NAB1: variants seen among roughly 807,000 people sequenced by gnomAD.
NAB1 encodes the protein NGFI-A binding protein 1, also known as NGFI-A-binding protein 1.
In NAB1, 25 loss-of-function variants were observed where a neutral mutation model predicts 49.9. That is an observed-to-expected ratio of 0.50 (90% CI 0.37 to 0.70). The LOEUF (loss-of-function observed/expected upper bound fraction) is 0.70. Among genes scored for constraint, NAB1 ranks in the 30% least tolerant of loss-of-function variants. The pLI is 0.00. For missense variants in NAB1, 489 were observed against 575.9 expected (o/e 0.85, Z 1.54); for synonymous variants, 198 against 215.6 (o/e 0.92, Z 0.71).
intron 9 of NAB1, among the ~76,000 whole-genome samples, chr2:190,688,823 CTTTCT>C (rs1326925778): frequency 6.9e-6 from 1 of 145,804 alleles, no homozygotes; most frequent in African/African-American, 2.6e-5. Flanking sequence ...TCTTTCCTTT[CTTTCT>C]TTTCTTTTCT....
chr2:190,664,371 G>T (rs1694380269), intron 4 of NAB1, among the ~76,000 whole-genome samples: 1 of 150,268 alleles, frequency 6.7e-6, no homozygotes, highest in Admixed American at 6.6e-5. Context: ...TGGAGACAGG[G>T]TTCACTTTGT....
In NAB1 at chr2:190,663,835, A is replaced by G. The variant is rs1387757734; in HGVS notation, c.819+3840A>G. Among the ~76,000 whole-genome samples, 5 of 152,014 alleles carry G rather than the reference A, an allele frequency of 3.3e-5. No individual in the cohort carries two copies. The highest frequency in any genetic ancestry group is 1.2e-4 in the African/African-American group (5 of 41,394). The stretch of plus-strand genomic sequence containing the variant: ...TTATGAGGTTATTTTATTATTTTTC[A>G]ATTTTAATTATTTTTATGATTTCTG... On this transcript the variant is annotated intron_variant, in intron 4 of 9. Coordinates refer to ENST00000337386, the MANE Select transcript of NAB1 (RefSeq NM_005966.4). The surrounding 1 kb of genome is among the most constrained non-coding windows in gnomAD (Gnocchi z 4.2).
Position 190,657,400 on chromosome 2 carries a change from G to T in NAB1, c.-20+1247G>T, listed in dbSNP as rs948886176. 6.6e-6 allele frequency among the ~76,000 whole-genome samples: 1 copy of T among 152,130 alleles called. No homozygotes were observed. The highest frequency in any genetic ancestry group is 1.5e-5 in the Non-Finnish European group (1 of 68,018). On this transcript the variant is annotated intron_variant, in intron 3 of 9. Coordinates refer to ENST00000337386, the MANE Select transcript of NAB1 (RefSeq NM_005966.4). The surrounding 1 kb of genome is among the most constrained non-coding windows in gnomAD (Gnocchi z 4.4). ...GTACCTGTAGGAGTTTGTGGTGCCCGGAGGATTTATTAAGTAGGAATCTTG... is the reference window on the plus strand; with the variant it reads ...GTACCTGTAGGAGTTTGTGGTGCCCTGAGGATTTATTAAGTAGGAATCTTG...
Position 190,653,183 on chromosome 2 carries a change from T to G in NAB1, c.-196-2794T>G, listed in dbSNP as rs535783614. Among the ~76,000 whole-genome samples the G allele has an allele frequency of 6.4e-3, 972 of 152,348 alleles. 3 individuals carry two copies. Among genetic ancestry groups the G allele is most frequent in the South Asian group, 0.014 (66 of 4,826 alleles). On this transcript the variant is annotated intron_variant, in intron 2 of 9. Coordinates refer to ENST00000337386, the MANE Select transcript of NAB1 (RefSeq NM_005966.4). ...CACCCTTCTCTCAGGCCCCTGTACC[T>G]TCAAGCTATACTCTCCTGAACTTGG...
At chr2:190,681,330 A>T (rs1285632127) in intron 6 of NAB1, among the ~76,000 whole-genome samples, 1 of 152,180 alleles carries the variant, frequency 6.6e-6, no homozygotes, top group Non-Finnish European at 1.5e-5. Context: ...AGTTGTTCTA[A>T]CTCTTCTACT....
chr2:190,662,965 C>G (rs1694302325), intron 4 of NAB1, among the ~76,000 whole-genome samples: 1 of 152,136 alleles, frequency 6.6e-6, no homozygotes, highest in South Asian at 2.1e-4. Context: ...CATTATAGTG[C>G]TGAGAAGTCA....
intron 4 of NAB1, among the ~76,000 whole-genome samples, chr2:190,662,466 T>C (rs1397147852): frequency 6.6e-6 from 1 of 151,982 alleles, no homozygotes; most frequent in Admixed American, 6.6e-5. Flanking sequence ...AGGTGTCAGA[T>C]TGTGAAGAGA....
rs894928996 is a variant in NAB1, at chr2:190,669,627, A to G, written c.820-699A>G. On this transcript the variant is annotated intron_variant, in intron 4 of 9. Coordinates refer to ENST00000337386, the MANE Select transcript of NAB1 (RefSeq NM_005966.4). The surrounding 1 kb of genome is among the most constrained non-coding windows in gnomAD (Gnocchi z 4.3). Reference sequence around the variant, plus strand: ...TTGACAGTTTCCTATATCTATTGACAAAATTATGTGAAAAAATTTCTAGTT... The same window carrying G: ...TTGACAGTTTCCTATATCTATTGACGAAATTATGTGAAAAAATTTCTAGTT... Among the ~76,000 whole-genome samples, 2 of 152,232 alleles carry G rather than the reference A, an allele frequency of 1.3e-5. No homozygotes were observed. The highest frequency in any genetic ancestry group is 4.8e-5 in the African/African-American group (2 of 41,464).
chr2:190,659,616 T>C lies in NAB1; in HGVS notation c.440T>C (p.Val147Ala), dbSNP rs1694113274. The C allele has an allele frequency of 6.2e-7, 1 of 1,614,190 alleles. No homozygotes were observed. The highest frequency in any genetic ancestry group is 1.1e-5 in the South Asian group (1 of 91,078). The change falls in exon 4 of 10, where the codon GTT (valine) becomes GCT (alanine). Residue 147 changes from valine (V) to alanine (A), a missense_variant. This residue lies in a region of NAB1 where 204 missense variants were observed against 220.9 expected (regional missense o/e 0.92). Transcript: ENST00000337386. This position sits in a 1 kb window ranked among gnomAD's most constrained non-coding sequence, Gnocchi z 6.2. ...QSLGQGKSDV[V>A]GSLALQSVGE... Reference sequence around the variant, plus strand: ...TTGGGACAGGGGAAGTCAGATGTGGTTGGGAGCCTAGCACTGCAGAGTGTT... The same window carrying C: ...TTGGGACAGGGGAAGTCAGATGTGGCTGGGAGCCTAGCACTGCAGAGTGTT...
chr2:190,662,643 T>A (rs1212415737), intron 4 of NAB1, among the ~76,000 whole-genome samples: 1 of 152,174 alleles, frequency 6.6e-6, no homozygotes, highest in Non-Finnish European at 1.5e-5. Flanking sequence ...ACCCCTAATG[T>A]TAAATCAGTG....
rs183353099 is a variant in NAB1 at position 190,685,902 on chromosome 2, T to C, written c.1258+264T>C. On this transcript the variant is annotated intron_variant, in intron 8 of 9. Transcript: ENST00000337386. The surrounding 1 kb of genome is among the most constrained non-coding windows in gnomAD (Gnocchi z 4.5). ...TGTAGGGGTTGGTGGGAATGTGAGA[T>C]GTCAACAGTACAGATTATTTTCCCC... Among the ~76,000 whole-genome samples, 305 of 152,344 alleles carry C rather than the reference T, an allele frequency of 2.0e-3. No individual in the cohort carries two copies. Among genetic ancestry groups the C allele is most frequent in the African/African-American group, 6.9e-3 (288 of 41,582 alleles).
chr2:190,687,221 C>T lies in NAB1; in HGVS notation c.1279C>T (p.Arg427Ter), dbSNP rs1695651496. The T allele has an allele frequency of 1.9e-6, 3 of 1,583,580 alleles. No homozygotes were observed. Among genetic ancestry groups the T allele is most frequent in the Admixed American group, 1.9e-5 (1 of 51,890 alleles). Residue 427 changes from arginine (R) to a stop codon, truncating the protein, a stop_gained, in exon 9 of 10, where the codon CGA becomes TGA. Transcript: ENST00000337386. LOFTEE classifies it high-confidence loss of function. ...DGQGERPLNL[R>*]MPNLQNRQPH... ...ATTAGGAGAAAGACCTTTGAATCTC[C>T]GAATGCCTAATTTACAGAACAGACA...
intron 5 of NAB1, among the ~76,000 whole-genome samples, chr2:190,671,770 T>A (rs936488332): frequency 8.0e-5 from 4 of 50,300 alleles, no homozygotes; most frequent in Non-Finnish European, 1.5e-4. Context: ...TCACCTTTCC[T>A]TTTTTTTTTT....
rs1406669868 is a variant in NAB1, at chr2:190,670,018, G to A, written c.820-308G>A. ...TTTTGGGTTTTTTTATAAGCGAGTT[G>A]CAGAATATTTTTTACTTTTTATTTT... On this transcript the variant is annotated intron_variant, in intron 4 of 9. Coordinates refer to ENST00000337386, the MANE Select transcript of NAB1 (RefSeq NM_005966.4). This position sits in a 1 kb window ranked among gnomAD's most constrained non-coding sequence, Gnocchi z 5.3. 6.6e-6 allele frequency among the ~76,000 whole-genome samples: 1 copy of A among 152,026 alleles called. No individual in the cohort carries two copies. The highest frequency in any genetic ancestry group is 1.5e-5 in the Non-Finnish European group (1 of 68,000).
chr2:190,665,039 G>A (rs1694442682), intron 4 of NAB1, among the ~76,000 whole-genome samples: 1 of 152,050 alleles, frequency 6.6e-6, no homozygotes, highest in Non-Finnish European at 1.5e-5. Flanking sequence ...GCCTACTGGT[G>A]GCAAACTCTG....
chr2:190,659,152 TGGC>T lies in NAB1; in HGVS notation c.-19-5_-19-3del. ...GAGTTTTTACTTTTTTTTTTTTTTT[TGGC>T]AGGTTAAACCCATCCAGAGTAATGG... On this transcript the variant is annotated splice_region_variant and splice_polypyrimidine_tract_variant and intron_variant, in intron 3 of 9. Coordinates refer to ENST00000337386, the MANE Select transcript of NAB1 (RefSeq NM_005966.4). This position sits in a 1 kb window ranked among gnomAD's most constrained non-coding sequence, Gnocchi z 6.2. 3 of 1,490,624 alleles carry T rather than the reference TGGC, an allele frequency of 2.0e-6. No individual in the cohort carries two copies. The highest frequency in any genetic ancestry group is 1.4e-5 in the African/African-American group (1 of 70,808). 92.3% of individuals were successfully genotyped at this position (1,490,624 alleles called of 1,614,324 possible).
chr2:190,664,586 C>CTTTTTTTTTTTTTTTTTTT lies in NAB1; in HGVS notation c.819+4601_819+4619dup, dbSNP rs71027237. Among the ~76,000 whole-genome samples, 13 of 61,092 alleles carry CTTTTTTTTTTTTTTTTTTT rather than the reference C, an allele frequency of 2.1e-4. 2 individuals are homozygous for CTTTTTTTTTTTTTTTTTTT. The highest frequency in any genetic ancestry group is 1.1e-3 in the East Asian group (2 of 1,900). 40.1% of individuals were successfully genotyped at this position (61,092 alleles called of 152,430 possible). A position where few individuals can be genotyped will look rare whatever the true frequency, so the allele number is the denominator to read the frequency against. On this transcript the variant is annotated intron_variant, in intron 4 of 9. Transcript: ENST00000337386. ...TCTTCCTCTCTTTCTTTCTTCTTTCCTTTTTTTTTTTTTTTTTTTTTTTTT... is the reference window on the plus strand; with the variant it reads ...TCTTCCTCTCTTTCTTTCTTCTTTCCTTTTTTTTTTTTTTTTTTTTTTTTTTTTTTTTTTTTTTTTTTTT...
chr2:190,673,576 T>G (rs1487294849), intron 6 of NAB1, among the ~76,000 whole-genome samples: 1 of 152,226 alleles, frequency 6.6e-6, no homozygotes, highest in Non-Finnish European at 1.5e-5. Flanking sequence ...AATCGGTGTT[T>G]CTTACAGATT....
In NAB1 at chr2:190,652,389, A is replaced by C. The variant is rs1329799284; in HGVS notation, c.-197+2407A>C. 6.6e-6 allele frequency among the ~76,000 whole-genome samples: 1 copy of C among 152,206 alleles called. No homozygotes were observed. The highest frequency in any genetic ancestry group is 1.9e-4 in the East Asian group (1 of 5,200). On this transcript the variant is annotated intron_variant, in intron 2 of 9. Transcript: ENST00000337386. This position sits in a 1 kb window ranked among gnomAD's most constrained non-coding sequence, Gnocchi z 4.2. ...ATGACTTGATGGTTGGTTGGTTAAGAATTTCCAGCCATTGTACGAAATGCT... is the reference window on the plus strand; with the variant it reads ...ATGACTTGATGGTTGGTTGGTTAAGCATTTCCAGCCATTGTACGAAATGCT...
Sources: gnomAD v4.1 joint callset for allele counts (sites outside exome capture counted in the v4.1 genomes callset) on GRCh38, gnomAD v4.1.1 for gene constraint, gnomAD v4.1.1 regional missense constraint, Gnocchi (gnomAD v3.1) non-coding constraint, MANE v1.5 for transcripts, NCBI Gene and HGNC (gene_info 2026-07-23, HGNC 2026-07-21) for gene names.